The following CYB5D2 variants were observed in gnomAD, a reference collection of about 807,000 sequenced individuals.
CYB5D2 encodes neuferricin.
Under a neutral mutation model 22.8 loss-of-function variants are expected in CYB5D2, and 23 were observed. The observed-to-expected ratio is 1.01, with a 90% CI of 0.73 to 1.43. The LOEUF (loss-of-function observed/expected upper bound fraction) is 1.43, where lower values mean the gene tolerates loss of function less well. Ranked by LOEUF, CYB5D2 falls within the 40% of genes most tolerant of loss-of-function variation. The probability of loss-of-function intolerance (pLI) is 0.00; values close to 1 mark genes in which losing one functional copy is unlikely to be tolerated. For synonymous variants in CYB5D2, 170 were observed against 152.2 expected, an observed-to-expected ratio of 1.12 and a Z score of -0.86; for missense variants, 373 against 357.2, an observed-to-expected ratio of 1.04 and a Z score of -0.36.
Position 4,154,720 on chromosome 17 carries a change from G to T in CYB5D2, c.438G>T (p.Pro146=). The T allele has an allele frequency of 6.2e-7, 1 of 1,614,140 alleles. No individual in the cohort carries two copies. Among genetic ancestry groups the T allele is most frequent in the Non-Finnish European group, 8.5e-7 (1 of 1,180,024 alleles). ...RFYGEDGLPT[P]ALTQVEAAIT... is the part of the protein sequence containing the mutation. ...ACGGAGAGGATGGGCTGCCCACCCC[G>T]GCACTGACCCAGGTAGAAGCTGCGA... The change falls in exon 3 of 4, where the codon CCG becomes CCT. Residue 146 remains proline, a synonymous_variant. Transcript: ENST00000301391.
At chr17:4,150,595 A>G (rs2059045522) in intron 2 of CYB5D2, among the ~76,000 whole-genome samples, 1 of 152,108 alleles carries the variant, frequency 6.6e-6, no homozygotes, top group Non-Finnish European at 1.5e-5. Flanking sequence ...TAAAGACTCT[A>G]AACACTAGGC....
intron 3 of CYB5D2, among the ~76,000 whole-genome samples, chr17:4,155,998 G>A (rs756397612): frequency 1.4e-3 from 216 of 152,398 alleles, no homozygotes; most frequent in Non-Finnish European, 2.5e-3. Context: ...GCAGGGACAA[G>A]GTGTGGAGTA....
rs2059037146 is a variant in CYB5D2, at chr17:4,149,982, G to C, written c.342G>C (p.Leu114=). 1 of 1,614,004 alleles carries C rather than the reference G, an allele frequency of 6.2e-7. No individual in the cohort carries two copies. The highest frequency in any genetic ancestry group is 1.1e-5 in the South Asian group (1 of 91,074). ...DVSDLSAAEM[L]TLHNWLSFYE... ...CCGACCTGTCAGCCGCTGAGATGCT[G>C]ACACTTCACAATTGGCTTTCATTCT... Residue 114 remains leucine, a synonymous_variant, in exon 2 of 4, where the codon CTG becomes CTC. Transcript: ENST00000301391.
rs762417106 is a variant in CYB5D2, at chr17:4,143,863, C to G, written c.108C>G (p.Arg36=). 6.2e-7 allele frequency: 1 copy of G among 1,614,132 alleles called. No homozygotes were observed. Among genetic ancestry groups the G allele is most frequent in the Admixed American group, 1.7e-5 (1 of 60,032 alleles). The change falls in exon 1 of 4, where the codon CGC becomes CGG. Residue 36 remains arginine, a synonymous_variant. Coordinates refer to ENST00000301391, the MANE Select transcript of CYB5D2 (RefSeq NM_144611.4). The part of the protein sequence containing the change: ...MGWWGPRAGF[R]LFIPEELSRY... ...GGTGGGGTCCCCGCGCTGGCTTTCG[C>G]CTTTTCATACCGGAGGAGCTGTCTC...
intron 1 of CYB5D2, among the ~76,000 whole-genome samples, 192 bp downstream of exon 1, chr17:4,144,197 C>T (rs1197377479): frequency 6.6e-6 from 1 of 152,062 alleles, no homozygotes; most frequent in African/African-American, 2.4e-5. Context: ...GGACTGTGGG[C>T]CAGCTCTGTC....
At chr17:4,145,785 G>T (rs150892057) in intron 1 of CYB5D2, among the ~76,000 whole-genome samples, 13 of 152,078 alleles carry the variant, frequency 8.5e-5, no homozygotes, top group Non-Finnish European at 1.5e-4. Flanking sequence ...TCCTTTTAAC[G>T]TATACAATTC....
intron 2 of CYB5D2, among the ~76,000 whole-genome samples, chr17:4,150,513 C>G (rs1186643804): frequency 6.6e-6 from 1 of 152,186 alleles, no homozygotes; most frequent in African/African-American, 2.4e-5. Context: ...ACTGCACTTG[C>G]TACTTACTGA....
At chr17:4,154,957 T>A in intron 3 of CYB5D2, 97 bp downstream of exon 3, 3 of 1,312,518 alleles carry the variant, frequency 2.3e-6, no homozygotes, top group Non-Finnish European at 3.1e-6. Flanking sequence ...AATTGATTGT[T>A]AACCCTGGGG....
At chr17:4,145,091 A>G (rs552478432) in intron 1 of CYB5D2, among the ~76,000 whole-genome samples, 2 of 152,276 alleles carry the variant, frequency 1.3e-5, no homozygotes, top group South Asian at 2.1e-4. Flanking sequence ...CGGCCAGCCT[A>G]GTGCTTTTTT....
At chr17:4,154,074 T>A (rs1567891031) in intron 2 of CYB5D2, among the ~76,000 whole-genome samples, 2 of 152,324 alleles carry the variant, frequency 1.3e-5, no homozygotes, top group East Asian at 1.9e-4. Flanking sequence ...AGAACTGACC[T>A]GTTTTTCCTT....
chr17:4,147,563 C>T (rs997650814), intron 1 of CYB5D2, among the ~76,000 whole-genome samples: 1 of 152,160 alleles, frequency 6.6e-6, no homozygotes, highest in East Asian at 1.9e-4. Context: ...CAATAAAGAA[C>T]GTGGCAGTGG....
At chr17:4,147,554 A>C (rs62072182) in intron 1 of CYB5D2, among the ~76,000 whole-genome samples, 32,014 of 152,266 alleles carry the variant, frequency 0.21, 3,454 homozygotes, top group Middle Eastern at 0.27. Context: ...CAAAGTGAAC[A>C]ATAAAGAACG....
chr17:4,156,549 AC>A (rs2059114183), intron 3 of CYB5D2, among the ~76,000 whole-genome samples: 1 of 152,254 alleles, frequency 6.6e-6, no homozygotes, highest in South Asian at 2.1e-4. Context: ...AAGCCCTTTC[AC>A]AGCTGTTGCC....
chr17:4,146,450 G>A (rs184741752), intron 1 of CYB5D2, among the ~76,000 whole-genome samples: 3 of 151,962 alleles, frequency 2.0e-5, no homozygotes, highest in Admixed American at 2.0e-4. Context: ...GAGTGCAGTG[G>A]CGCAATCTTG....
chr17:4,146,012 C>T (rs527728844), intron 1 of CYB5D2, among the ~76,000 whole-genome samples: 21 of 151,420 alleles, frequency 1.4e-4, no homozygotes, highest in African/African-American at 4.8e-4. Context: ...TTGGCCAGGC[C>T]GGTCTTGAAC....
intron 3 of CYB5D2, among the ~76,000 whole-genome samples, chr17:4,155,120 C>T (rs145232073): frequency 2.0e-5 from 3 of 152,126 alleles, no homozygotes; most frequent in Admixed American, 6.5e-5. Flanking sequence ...TTATTTTTTC[C>T]GAATTCTCCA....
At chr17:4,151,850 C>T (rs534254671) in intron 2 of CYB5D2, among the ~76,000 whole-genome samples, 1 of 151,282 alleles carries the variant, frequency 6.6e-6, no homozygotes, top group Non-Finnish European at 1.5e-5. Context: ...ACTATAAATA[C>T]AAAAAATTAG....
At position 4,154,577 on chromosome 17, in the gene CYB5D2, G is replaced by T. The variant is rs563235092; in HGVS notation, c.392-97G>T. 2.9e-6 allele frequency: 4 copies of T among 1,403,360 alleles called. No homozygotes were observed. In the East Asian group the frequency reaches 7.1e-5, roughly 25 times the overall value. The allele number at this position is 1,403,360 out of a possible 1,614,324, so 86.9% of individuals were successfully genotyped here. ...GTTCTTATTAAACGCGCACCAGCAGGACTGAAGTCAGAAACCCTGGGAACT... is the reference window on the plus strand; with the variant it reads ...GTTCTTATTAAACGCGCACCAGCAGTACTGAAGTCAGAAACCCTGGGAACT... On this transcript the variant is annotated intron_variant, in intron 2 of 3. Coordinates refer to ENST00000301391, the MANE Select transcript of CYB5D2 (RefSeq NM_144611.4).
At chr17:4,153,289 G>A (rs1019627748) in intron 2 of CYB5D2, among the ~76,000 whole-genome samples, 2 of 152,160 alleles carry the variant, frequency 1.3e-5, no homozygotes, top group East Asian at 3.9e-4. Flanking sequence ...CAGCCACACC[G>A]AGACCTGAGG....
Sources: gnomAD v4.1 joint callset for allele counts (sites outside exome capture counted in the v4.1 genomes callset) on GRCh38, gnomAD v4.1.1 for gene constraint, MANE v1.5 for transcripts, NCBI Gene and HGNC (gene_info 2026-07-23, HGNC 2026-07-21) for gene names.